Variants in CNTN5 observed in about 807,000 individuals in gnomAD.
The protein encoded by CNTN5 is contactin 5, also known as contactin-5.
In CNTN5, 77 loss-of-function variants were observed where a neutral mutation model predicts 129.1. The observed-to-expected ratio is 0.60, with a 90% confidence interval of 0.50 to 0.72. The LOEUF is 0.72. CNTN5 is among the 30% of genes least tolerant of loss of function. The pLI, the probability that CNTN5 is intolerant of heterozygous loss-of-function variation, is 0.00. For missense variants in CNTN5, 1,478 were observed against 1,328.8 expected (o/e 1.11, Z -1.75); for synonymous variants, 509 against 465.6 (o/e 1.09, Z -1.20).
chr11:99,992,142 C>A (rs1181747956), intron 8 of CNTN5, among the ~76,000 whole-genome samples: 1 of 152,196 alleles, frequency 6.6e-6, no homozygotes, highest in Non-Finnish European at 1.5e-5. Context: ...ATCAGCTAAA[C>A]CTTTCCAACT....
intron 3 of CNTN5, among the ~76,000 whole-genome samples, chr11:99,714,099 A>T (rs1474130176): frequency 1.3e-5 from 2 of 151,882 alleles, no homozygotes; most frequent in African/African-American, 4.8e-5. Flanking sequence ...CCATTTAAAG[A>T]TGCTACTTGC....
At chr11:99,475,428 GAAAACTA>G (rs1295152876) in intron 2 of CNTN5, among the ~76,000 whole-genome samples, 1 of 152,018 alleles carries the variant, frequency 6.6e-6, no homozygotes, top group Non-Finnish European at 1.5e-5. Flanking sequence ...AATGAAATAG[GAAAACTA>G]CCAACATAGG....
intron 8 of CNTN5, among the ~76,000 whole-genome samples, chr11:99,966,464 A>G (rs1951096822): frequency 1.3e-5 from 2 of 152,176 alleles, no homozygotes; most frequent in Admixed American, 1.3e-4. Context: ...CCACAGGACC[A>G]GAGCCTTACA....
intron 23 of CNTN5, among the ~76,000 whole-genome samples, chr11:100,347,763 C>A (rs935710733): frequency 8.5e-5 from 13 of 152,066 alleles, no homozygotes; most frequent in African/African-American, 2.4e-4. Flanking sequence ...GTCACCGAGG[C>A]TTTAGATTCC....
intron 3 of CNTN5, among the ~76,000 whole-genome samples, chr11:99,650,691 T>C (rs1952122034): frequency 6.6e-6 from 1 of 151,974 alleles, no homozygotes; most frequent in East Asian, 1.9e-4. Context: ...GGCAATCTCT[T>C]GTGTGATCCT....
At chr11:99,980,293 A>G (rs142790516) in intron 8 of CNTN5, among the ~76,000 whole-genome samples, 3 of 152,344 alleles carry the variant, frequency 2.0e-5, no homozygotes, top group East Asian at 1.9e-4. Context: ...TTATATGTGA[A>G]TGTATAATGA....
At chr11:99,247,178 A>G (rs1861854153) in intron 1 of CNTN5, among the ~76,000 whole-genome samples, 1 of 152,158 alleles carries the variant, frequency 6.6e-6, no homozygotes, top group Non-Finnish European at 1.5e-5. Context: ...GACTATTACA[A>G]TGAATGTTAA....
intron 3 of CNTN5, among the ~76,000 whole-genome samples, chr11:99,626,286 T>C (rs1951129575): frequency 6.6e-6 from 1 of 152,110 alleles, no homozygotes; most frequent in Non-Finnish European, 1.5e-5. Context: ...ATCCAAATTG[T>C]TCAGTGCCTC....
At chr11:100,093,673 A>G (rs1944882273) in intron 13 of CNTN5, among the ~76,000 whole-genome samples, 1 of 152,016 alleles carries the variant, frequency 6.6e-6, no homozygotes, top group Non-Finnish European at 1.5e-5. Context: ...AGTCTGTACA[A>G]CCTGACTTGA....
chr11:99,784,797 T>TGG (rs1945454325), intron 3 of CNTN5, among the ~76,000 whole-genome samples: 2 of 75,546 alleles, frequency 2.6e-5, no homozygotes, highest in African/African-American at 5.0e-5. Context: ...CTCATTGTGT[T>TGG]TTTTTTTTTT....
chr11:100,356,061 C>A, intron 24 of CNTN5, 56 bp from the exon 25 acceptor site: 1 of 1,194,198 alleles, frequency 8.4e-7, no homozygotes, highest in Non-Finnish European at 1.2e-6. Context: ...ACAATTCTGT[C>A]CTAGCTCAAG....
chr11:100,308,740 A>G, intron 21 of CNTN5: 6 of 1,046,530 alleles, frequency 5.7e-6, no homozygotes, highest in Non-Finnish European at 6.9e-6. Flanking sequence ...CTACAGGTAG[A>G]TATTTAATTG....
chr11:100,032,881 T>C (rs1591090255), intron 9 of CNTN5, among the ~76,000 whole-genome samples: 2 of 152,186 alleles, frequency 1.3e-5, no homozygotes, highest in South Asian at 4.1e-4. Context: ...TTTGGTAGAT[T>C]TCCAGCTTCA....
At chr11:99,345,244 CAT>C (rs1243678937) in intron 2 of CNTN5, among the ~76,000 whole-genome samples, 9 of 152,016 alleles carry the variant, frequency 5.9e-5, no homozygotes, top group African/African-American at 2.2e-4. Context: ...TAATATTGCT[CAT>C]ATATTAGCGC....
At chr11:99,589,081 A>G (rs1426347870) in intron 3 of CNTN5, among the ~76,000 whole-genome samples, 4 of 152,206 alleles carry the variant, frequency 2.6e-5, no homozygotes, top group African/African-American at 4.8e-5. Context: ...TGAAACATGA[A>G]CATGTTGTGA....
intron 9 of CNTN5, among the ~76,000 whole-genome samples, chr11:100,022,154 T>C (rs1036774443): frequency 1.3e-5 from 2 of 152,206 alleles, no homozygotes; most frequent in Non-Finnish European, 2.9e-5. Context: ...CTTTGCATTC[T>C]TCCATTTAAT....
chr11:100,069,919 T>C (rs192206369), intron 10 of CNTN5, among the ~76,000 whole-genome samples: 612 of 152,194 alleles, frequency 4.0e-3, no homozygotes, highest in Middle Eastern at 0.01. Flanking sequence ...AATAAAAAAA[T>C]TATATTGCAA....
At chr11:99,665,586 A>G (rs184893818) in intron 3 of CNTN5, among the ~76,000 whole-genome samples, 1 of 148,768 alleles carries the variant, frequency 6.7e-6, no homozygotes, top group East Asian at 2.0e-4. Context: ...CCTGGGTTCA[A>G]GCAATTCTCC....
At chr11:99,546,353 T>A (rs1948290369) in intron 2 of CNTN5, among the ~76,000 whole-genome samples, 1 of 152,058 alleles carries the variant, frequency 6.6e-6, no homozygotes, top group Non-Finnish European at 1.5e-5. Flanking sequence ...TACAAACAGG[T>A]TGCTTAAAAA....
Sources: gnomAD v4.1 joint callset for allele counts (sites outside exome capture counted in the v4.1 genomes callset) on GRCh38, gnomAD v4.1.1 for gene constraint, MANE v1.5 for transcripts, NCBI Gene and HGNC (gene_info 2026-07-23, HGNC 2026-07-21) for gene names.